PTPRD: variants seen among roughly 807,000 people sequenced by gnomAD.
PTPRD encodes the protein protein tyrosine phosphatase receptor type D.
A neutral mutation model predicts 214.5 loss-of-function variants in PTPRD; 34 were observed. That is an observed-to-expected ratio of 0.16 (90% confidence interval 0.12 to 0.21). PTPRD has a LOEUF of 0.21. Among genes scored for constraint, PTPRD ranks in the 10% least tolerant of loss-of-function variants. PTPRD has a pLI of 1.00. For synonymous variants in PTPRD, 1,128 were observed against 845.7 expected, an observed-to-expected ratio of 1.33 and a Z score of -5.79; for missense variants, 2,545 against 2,398.7, an observed-to-expected ratio of 1.06 and a Z score of -1.27.
At chr9:9,533,835 GCAAA>G (rs1198633492) in intron 8 of PTPRD, among the ~76,000 whole-genome samples, 1 of 151,904 alleles carries the variant, frequency 6.6e-6, no homozygotes, top group African/African-American at 2.4e-5. Flanking sequence ...AAGGAAGAAG[GCAAA>G]CAAATTCAGA....
At chr9:9,403,018 G>C (rs1248533708) in intron 8 of PTPRD, among the ~76,000 whole-genome samples, 1 of 147,578 alleles carries the variant, frequency 6.8e-6, no homozygotes, top group East Asian at 2.0e-4. Flanking sequence ...TGCCAGGCGC[G>C]GTGTCTCCTG....
At chr9:9,138,613 T>G (rs1454134677) in intron 10 of PTPRD, among the ~76,000 whole-genome samples, 1 of 152,186 alleles carries the variant, frequency 6.6e-6, no homozygotes. Flanking sequence ...AAAGATGACA[T>G]CTGTGTTTGT....
intron 9 of PTPRD, among the ~76,000 whole-genome samples, chr9:9,333,616 G>A (rs1023240298): frequency 1.3e-5 from 2 of 150,608 alleles, no homozygotes; most frequent in Non-Finnish European, 3.0e-5. Flanking sequence ...GTCTGGAAAT[G>A]TAAAGAAGAT....
chr9:10,126,188 C>G (rs978859578), intron 3 of PTPRD, among the ~76,000 whole-genome samples: 6 of 152,070 alleles, frequency 3.9e-5, no homozygotes, highest in Admixed American at 1.3e-4. Context: ...ACTGTTATTA[C>G]AGTTGAGAAA....
At position 8,315,797 on chromosome 9, in the gene PTPRD, A is replaced by G. The variant is rs1821346903; in HGVS notation, c.*2077T>C. ...CATCCATGAAGCTAAAATTAAACCA[A>G]AGTAGTATACTCATACCAAAACTCT... On this transcript the variant is annotated 3_prime_UTR_variant, in exon 46 of 46. Coordinates refer to ENST00000381196, the MANE Select transcript of PTPRD (RefSeq NM_002839.4). 1 of 227,714 alleles carries G rather than the reference A, an allele frequency of 4.4e-6. No individual in the cohort carries two copies. The highest frequency in any genetic ancestry group is 1.8e-4 in the South Asian group (1 of 5,486). The allele number at this position is 227,714 out of a possible 1,614,324, so 14.1% of individuals were successfully genotyped here. A position where few individuals can be genotyped will look rare whatever the true frequency, so the allele number is the denominator to read the frequency against.
chr9:9,979,564 A>T (rs1452482779), intron 4 of PTPRD, among the ~76,000 whole-genome samples: 1 of 152,154 alleles, frequency 6.6e-6, no homozygotes, highest in Non-Finnish European at 1.5e-5. Context: ...TTAAAGATGG[A>T]ATTGTAACAT....
At chr9:9,404,233 T>C (rs2072225964) in intron 8 of PTPRD, among the ~76,000 whole-genome samples, 1 of 152,026 alleles carries the variant, frequency 6.6e-6, no homozygotes, top group Admixed American at 6.6e-5. Flanking sequence ...TTGAGTGACA[T>C]TATGGTTTTG....
At chr9:9,333,909 T>C (rs539514971) in intron 9 of PTPRD, among the ~76,000 whole-genome samples, 3 of 152,064 alleles carry the variant, frequency 2.0e-5, no homozygotes, top group African/African-American at 7.2e-5. Context: ...GAAGAAAATA[T>C]TGATGGAATA....
intron 12 of PTPRD, among the ~76,000 whole-genome samples, chr9:8,726,024 CAG>C (rs199517813): frequency 0.011 from 1,559 of 138,536 alleles, 23 homozygotes; most frequent in African/African-American, 0.041. Context: ...GACAGACAGA[CAG>C]ACACACACAC....
chr9:9,694,229 C>G (rs906428456), intron 7 of PTPRD, among the ~76,000 whole-genome samples: 1 of 151,582 alleles, frequency 6.6e-6, no homozygotes, highest in Non-Finnish European at 1.5e-5. Context: ...CTTGTTTCTG[C>G]CTGTCCTTCT....
At chr9:9,146,094 A>G (rs1428673308) in intron 10 of PTPRD, among the ~76,000 whole-genome samples, 1 of 152,198 alleles carries the variant, frequency 6.6e-6, no homozygotes, top group Non-Finnish European at 1.5e-5. Flanking sequence ...CACAAATGTG[A>G]CTTCAAATGG....
At position 8,319,958 on chromosome 9, in the gene PTPRD, A is replaced by G. The variant is rs2130722016; in HGVS notation, c.5543T>C (p.Val1848Ala). The G allele has an allele frequency of 1.2e-6, 2 of 1,611,738 alleles. No individual in the cohort carries two copies. Among genetic ancestry groups the G allele is most frequent in the Non-Finnish European group, 1.7e-6 (2 of 1,179,014 alleles). ...CGTTATGAAGACTCCAGTTCTTCCA[A>G]CGCCCGCGCTGCCACAATAACAAAG... ...GPISVHCSAG[V>A]GRTGVFITLS... The change falls in exon 45 of 46, where the codon GTT becomes GCT. Residue 1848 changes from valine (V) to alanine (A), a missense_variant. Val to Ala is a moderately conservative substitution (Grantham distance 64, BLOSUM62 0). Coordinates refer to ENST00000381196, the MANE Select transcript of PTPRD (RefSeq NM_002839.4).
chr9:8,477,198 G>A (rs1051361448), intron 30 of PTPRD, among the ~76,000 whole-genome samples: 10 of 151,862 alleles, frequency 6.6e-5, no homozygotes, highest in East Asian at 1.9e-4. Context: ...TGCTTTGCCC[G>A]TCTGCCTCAA....
intron 2 of PTPRD, among the ~76,000 whole-genome samples, chr9:10,480,349 A>C (rs11791727): frequency 6.6e-6 from 1 of 152,046 alleles, no homozygotes; most frequent in Non-Finnish European, 1.5e-5. Context: ...TCATATTCCC[A>C]CCCTCCAGCT....
intron 5 of PTPRD, among the ~76,000 whole-genome samples, chr9:9,890,745 A>C (rs547304914): frequency 6.6e-6 from 1 of 151,966 alleles, no homozygotes; most frequent in Non-Finnish European, 1.5e-5. Context: ...CACACCATCA[A>C]TCGGAAGGGG....
At chr9:10,142,174 G>A (rs990156196) in intron 3 of PTPRD, among the ~76,000 whole-genome samples, 1 of 151,948 alleles carries the variant, frequency 6.6e-6, no homozygotes, top group Non-Finnish European at 1.5e-5. Flanking sequence ...AAAAACCCTA[G>A]AAGAAAACCT....
At chr9:10,468,831 A>G (rs2099011702) in intron 2 of PTPRD, among the ~76,000 whole-genome samples, 1 of 152,156 alleles carries the variant, frequency 6.6e-6, no homozygotes, top group Admixed American at 6.5e-5. Flanking sequence ...ATGGTGGAAT[A>G]TTATCCAATG....
At chr9:9,019,333 A>AAAGG (rs1569429842) in intron 10 of PTPRD, among the ~76,000 whole-genome samples, 11 of 23,286 alleles carry the variant, frequency 4.7e-4, no homozygotes, top group South Asian at 1.8e-3. Context: ...AGAAAGAAAG[A>AAAGG]AAGAACGAAA....
chr9:9,791,661 G>T (rs1381876156), intron 5 of PTPRD, among the ~76,000 whole-genome samples: 1 of 151,854 alleles, frequency 6.6e-6, no homozygotes, highest in Non-Finnish European at 1.5e-5. Flanking sequence ...ATCCATTTTT[G>T]TTTCTTTGTA....
Sources: allele counts gnomAD v4.1 joint callset (sites outside exome capture counted in the v4.1 genomes callset), GRCh38; gene constraint gnomAD v4.1.1; transcripts MANE v1.5; gene names NCBI Gene and HGNC (gene_info 2026-07-23, HGNC 2026-07-21).